COA1: variants seen among roughly 807,000 people sequenced by gnomAD.
The protein encoded by COA1 is cytochrome c oxidase assembly factor 1 homolog.
COA1 carries 13 observed loss-of-function variants against 16.0 expected under a neutral mutation model. That is an observed-to-expected ratio of 0.81 (90% CI 0.53 to 1.29). The LOEUF (loss-of-function observed/expected upper bound fraction) is 1.29, where lower values mean the gene tolerates loss of function less well. Ranked by LOEUF, COA1 falls within the 50% of genes most tolerant of loss-of-function variation. The pLI, the probability that COA1 is intolerant of heterozygous loss-of-function variation, is 0.00. For synonymous variants in COA1, 65 were observed against 65.7 expected (o/e 0.99, Z 0.05); for missense variants, 179 against 177.0 (o/e 1.01, Z -0.06).
At chr7:43,680,003 G>C (rs188583281) in intron 1 of COA1, among the ~76,000 whole-genome samples, 7 of 152,206 alleles carry the variant, frequency 4.6e-5, no homozygotes. Context: ...AGGTTTAACA[G>C]ATTAGATTCA....
At chr7:43,638,566 CTTTTTTT>C (rs746584234), downstream of COA1, among the ~76,000 whole-genome samples, 41,494 of 95,610 alleles carry the variant, frequency 0.43, 5,028 homozygotes, top group African/African-American at 0.52. Flanking sequence ...TTTTTCTTTC[CTTTTTTT>C]TTTTTTTTTT....
chr7:43,630,558 A>C (rs961125380), intron 6 of COA1, among the ~76,000 whole-genome samples: 4 of 152,076 alleles, frequency 2.6e-5, no homozygotes, highest in African/African-American at 7.2e-5. Flanking sequence ...GAGGACTGTC[A>C]CCTCATCCCT....
chr7:43,629,762 G>A (rs2084982446), intron 6 of COA1, among the ~76,000 whole-genome samples: 2 of 152,174 alleles, frequency 1.3e-5, no homozygotes, highest in South Asian at 4.1e-4. Flanking sequence ...ATCGCAGAGG[G>A]AATATGTGAT....
intron 1 of COA1, among the ~76,000 whole-genome samples, chr7:43,660,346 C>G (rs1198214569): frequency 6.6e-6 from 1 of 152,088 alleles, no homozygotes. Flanking sequence ...CACTCCACAC[C>G]AGGTCTCCCC....
At chr7:43,679,297 T>C (rs1342153294) in intron 1 of COA1, among the ~76,000 whole-genome samples, 5 of 151,094 alleles carry the variant, frequency 3.3e-5, no homozygotes, top group African/African-American at 1.2e-4. Flanking sequence ...TGCTAAATTT[T>C]ATGTTATATT....
chr7:43,723,213 T>C (rs1329522581), intron 1 of COA1, among the ~76,000 whole-genome samples: 1 of 152,160 alleles, frequency 6.6e-6, no homozygotes, highest in African/African-American at 2.4e-5. Flanking sequence ...GCAATCTTAG[T>C]TTTCTAAGTT....
At chr7:43,623,908 G>C (rs1203520383) in intron 6 of COA1, 2 of 1,421,532 alleles carry the variant, frequency 1.4e-6, no homozygotes, top group Admixed American at 2.6e-5. Context: ...ATTTTTATTA[G>C]TTTAATATTG....
intron 6 of COA1, among the ~76,000 whole-genome samples, chr7:43,628,428 T>C (rs2084836728): frequency 6.6e-6 from 1 of 152,206 alleles, no homozygotes; most frequent in Non-Finnish European, 1.5e-5. Flanking sequence ...TGTACAGGGA[T>C]TTTTGTGGAC....
At chr7:43,630,570 C>T (rs532102260) in intron 6 of COA1, among the ~76,000 whole-genome samples, 2 of 152,262 alleles carry the variant, frequency 1.3e-5, no homozygotes, top group Non-Finnish European at 2.9e-5. Context: ...CTCATCCCTG[C>T]CCCCGCTTTT....
At chr7:43,726,208 T>G (rs1410781488) in intron 1 of COA1, among the ~76,000 whole-genome samples, 2 of 152,102 alleles carry the variant, frequency 1.3e-5, no homozygotes, top group African/African-American at 4.8e-5. Context: ...TTGAAGCAGA[T>G]CATGGCACAT....
rs550966094 is a variant in COA1 at position 43,692,874 on chromosome 7, A to C, written c.-39+36555T>G. 3.3e-5 allele frequency among the ~76,000 whole-genome samples: 5 copies of C among 152,172 alleles called. No homozygotes were observed. In the South Asian group the frequency reaches 1.0e-3, roughly 32 times the overall value. ...CATGTCCATCATTCCCAACTACTCA[A>C]CCTCTTTTCTGAAGGTTCCTGCTTG... is the stretch of plus-strand genomic sequence containing the variant. On this transcript the variant is annotated intron_variant, in intron 1 of 5. Coordinates refer to ENST00000223336, the MANE Select transcript of COA1 (RefSeq NM_018224.4).
At chr7:43,682,077 T>C (rs1390745269) in intron 1 of COA1, among the ~76,000 whole-genome samples, 4 of 152,250 alleles carry the variant, frequency 2.6e-5, no homozygotes, top group East Asian at 3.9e-4. Context: ...TAATATGTAA[T>C]AAAATACATA....
intron 6 of COA1, among the ~76,000 whole-genome samples, chr7:43,616,093 T>G (rs1269465399): frequency 2.0e-5 from 3 of 152,200 alleles, no homozygotes; most frequent in African/African-American, 7.2e-5. Flanking sequence ...GCCTAGCTCA[T>G]TAGGCAATCA....
rs185701689 is a variant in COA1 at position 43,719,007 on chromosome 7, T to C, written c.-39+10422A>G. Among the ~76,000 whole-genome samples, 250 of 151,124 alleles carry C rather than the reference T, an allele frequency of 1.7e-3. 5 individuals are homozygous for C. The East Asian group carries it at 0.036, about 22-fold the overall frequency. ...TTTTTTTTGAGATGGAGTCTCACTC[T>C]GTCACCCAGGCTGGAGTGCAGTGGC... On this transcript the variant is annotated intron_variant, in intron 1 of 5. Coordinates refer to ENST00000223336, the MANE Select transcript of COA1 (RefSeq NM_018224.4).
intron 1 of COA1, among the ~76,000 whole-genome samples, chr7:43,728,969 T>A (rs2095680596): frequency 6.6e-6 from 1 of 152,206 alleles, no homozygotes; most frequent in Non-Finnish European, 1.5e-5. Flanking sequence ...CAGCCCCTGT[T>A]GGGAGGGTTT....
Position 43,639,448 on chromosome 7 carries a change from C to G in COA1, c.*134G>C, listed in dbSNP as rs1343272270. The G allele has an allele frequency of 1.5e-6, 1 of 676,676 alleles. No homozygotes were observed. The highest frequency in any genetic ancestry group is 2.3e-5 in the Admixed American group (1 of 42,588). 41.9% of individuals were successfully genotyped at this position (676,676 alleles called of 1,614,324 possible). ...CAAAATTACCATGTGCTGGCACATA[C>G]CATCATCCCACTGGTGGCTGGAAAA... On this transcript the variant is annotated 3_prime_UTR_variant, in exon 6 of 6. Transcript: ENST00000223336.
chr7:43,647,654 A>G lies in COA1; in HGVS notation c.16-20T>C. 6.3e-7 allele frequency: 1 copy of G among 1,577,208 alleles called. No homozygotes were observed. The highest frequency in any genetic ancestry group is 8.7e-7 in the Non-Finnish European group (1 of 1,147,502). On this transcript the variant is annotated intron_variant, in intron 2 of 5. Transcript: ENST00000223336. ...TGCATACTTAAAAACAAAAGATACAAATTTATTGTAGGATTCCCAGTTTTG... is the reference window on the plus strand; with the variant it reads ...TGCATACTTAAAAACAAAAGATACAGATTTATTGTAGGATTCCCAGTTTTG...
intron 1 of COA1, chr7:43,657,141 C>G (rs1375308047): frequency 6.6e-6 from 1 of 152,208 alleles, no homozygotes; most frequent in East Asian, 1.9e-4. Flanking sequence ...TATGTGTTAT[C>G]TGTGGCGATA....
chr7:43,692,639 C>A (rs993619300), intron 1 of COA1, among the ~76,000 whole-genome samples: 1 of 152,170 alleles, frequency 6.6e-6, no homozygotes, highest in African/African-American at 2.4e-5. Flanking sequence ...TCATGATGTA[C>A]AGATGTGTAT....
Sources: allele counts gnomAD v4.1 joint callset (sites outside exome capture counted in the v4.1 genomes callset), GRCh38; gene constraint gnomAD v4.1.1; transcripts MANE v1.5; gene names NCBI Gene and HGNC (gene_info 2026-07-23, HGNC 2026-07-21).